Variants in KLF13 observed in about 807,000 individuals in gnomAD.
The protein encoded by KLF13 is Krueppel-like factor 13.
Under a neutral mutation model 16.7 loss-of-function variants are expected in KLF13, and 8 were observed. The observed-to-expected ratio is 0.48, with a 90% CI of 0.28 to 0.87. The LOEUF is 0.87. Among genes scored for constraint, KLF13 ranks in the 40% least tolerant of loss-of-function variants. KLF13 has a pLI of 0.10. For synonymous variants in KLF13, 245 were observed against 208.4 expected, an observed-to-expected ratio of 1.18 and a Z score of -1.51; for missense variants, 447 against 452.2, an observed-to-expected ratio of 0.99 and a Z score of 0.10.
intron 1 of KLF13, among the ~76,000 whole-genome samples, chr15:31,348,391 C>G (rs1206263730): frequency 1.3e-5 from 2 of 152,204 alleles, no homozygotes; most frequent in African/African-American, 4.8e-5. Context: ...CACGCCGCAC[C>G]ACATGCTTTT....
intron 1 of KLF13, among the ~76,000 whole-genome samples, chr15:31,362,668 T>C (rs1375984042): frequency 6.6e-6 from 1 of 152,226 alleles, no homozygotes; most frequent in African/African-American, 2.4e-5. Context: ...ATCTAAAAGA[T>C]TTAAGTAGTT....
At chr15:31,387,276 AT>A (rs2039805618) in intron 1 of KLF13, among the ~76,000 whole-genome samples, 1 of 152,192 alleles carries the variant, frequency 6.6e-6, no homozygotes, top group Non-Finnish European at 1.5e-5. Context: ...ATTTGAAGAA[AT>A]TGCCACAGCC....
At chr15:31,349,198 CCTTAA>C (rs2039177065) in intron 1 of KLF13, among the ~76,000 whole-genome samples, 1 of 152,138 alleles carries the variant, frequency 6.6e-6, no homozygotes, top group Non-Finnish European at 1.5e-5. Context: ...CTTTTTTGCC[CCTTAA>C]CTTTGTAGGG....
downstream of KLF13, among the ~76,000 whole-genome samples, chr15:31,406,854 C>T (rs769452081): frequency 1.6e-4 from 25 of 152,178 alleles, no homozygotes; most frequent in Non-Finnish European, 3.1e-4. Flanking sequence ...GCACCACCAT[C>T]TCCTCTGCTT....
rs1264415582 is a variant in KLF13, at chr15:31,373,165, C to G, written c.*866C>G. The G allele has an allele frequency of 6.6e-6, 1 of 152,266 alleles. No individual in the cohort carries two copies. The highest frequency in any genetic ancestry group is 2.4e-5 in the African/African-American group (1 of 41,466). 9.4% of individuals were successfully genotyped at this position (152,266 alleles called of 1,614,324 possible). A position where few individuals can be genotyped will look rare whatever the true frequency, so the allele number is the denominator to read the frequency against. ...CCCTGTCACTACTATACCTGGGCCT[C>G]TGATGGGGAATTCTGGTCTTCTAAA... On this transcript the variant is annotated 3_prime_UTR_variant, in exon 2 of 2. Coordinates refer to ENST00000307145, the MANE Select transcript of KLF13 (RefSeq NM_015995.4).
At chr15:31,364,867 C>T (rs1055858056) in intron 1 of KLF13, among the ~76,000 whole-genome samples, 11 of 152,204 alleles carry the variant, frequency 7.2e-5, no homozygotes, top group Non-Finnish European at 8.8e-5. Context: ...TTTCTAGAGA[C>T]GAGCAGGACA....
In KLF13 at chr15:31,327,310, C is replaced by G. The variant is rs983603110; in HGVS notation, c.98C>G (p.Ser33Cys). Residue 33 changes from serine to cysteine, a missense_variant, in exon 1 of 2, where the codon TCC becomes TGC. Ser to Cys is a moderately radical substitution (Grantham distance 112, BLOSUM62 -1). Coordinates refer to ENST00000307145, the MANE Select transcript of KLF13 (RefSeq NM_015995.4). ...VVHGPREGPE[S>C]RPEGAAVAAT... ...CACGGGCCGCGGGAGGGGCCGGAGT[C>G]CCGGCCCGAGGGCGCGGCCGTGGCC... 23 of 1,291,410 alleles carry G rather than the reference C, an allele frequency of 1.8e-5. No individual in the cohort carries two copies. Among genetic ancestry groups the G allele is most frequent in the Non-Finnish European group, 2.0e-5 (20 of 1,023,780 alleles). The allele number at this position is 1,291,410 out of a possible 1,614,324, so 80.0% of individuals were successfully genotyped here.
At chr15:31,345,573 T>A (rs2039101263) in intron 1 of KLF13, among the ~76,000 whole-genome samples, 2 of 152,124 alleles carry the variant, frequency 1.3e-5, no homozygotes, top group Admixed American at 1.3e-4. Flanking sequence ...AGGAAATCTG[T>A]GAGTATGAGG....
At chr15:31,431,142 T>G (rs1414467770) in intron 1 of KLF13, among the ~76,000 whole-genome samples, 1 of 152,180 alleles carries the variant, frequency 6.6e-6, no homozygotes, top group African/African-American at 2.4e-5. Context: ...TGCTGCCTCT[T>G]TCTCTCACTC....
intron 2 of KLF13, among the ~76,000 whole-genome samples, chr15:31,398,045 G>C (rs1458079360): frequency 6.6e-6 from 1 of 152,170 alleles, no homozygotes; most frequent in Non-Finnish European, 1.5e-5. Context: ...CCAGTAATTA[G>C]CCTAATAAGG....
Position 31,372,398 on chromosome 15 carries a change from A to G in KLF13, c.*99A>G. 1 of 1,268,554 alleles carries G rather than the reference A, an allele frequency of 7.9e-7. No individual in the cohort carries two copies. 78.6% of individuals were successfully genotyped at this position (1,268,554 alleles called of 1,614,324 possible). On this transcript the variant is annotated 3_prime_UTR_variant, in exon 2 of 2. Transcript: ENST00000307145. ...AGAGAGAGAACTTGATGCAAAGTCC[A>G]CGAAAAAACAATTTTTTTCACCTCA...
chr15:31,431,696 C>A (rs555912818), intron 1 of KLF13, among the ~76,000 whole-genome samples: 33 of 152,300 alleles, frequency 2.2e-4, no homozygotes, highest in Admixed American at 3.9e-4. Flanking sequence ...TATCTCCTGA[C>A]CTTGTGATCC....
At position 31,372,315 on chromosome 15, in the gene KLF13, G is replaced by C; in HGVS notation, c.*16G>C. ...CTCGCCCTGAGCCCGCCACAGCCAT[G>C]AGCAGCCGCTCCCACCCCCTCGTGA... On this transcript the variant is annotated 3_prime_UTR_variant, in exon 2 of 2. Coordinates refer to ENST00000307145, the MANE Select transcript of KLF13 (RefSeq NM_015995.4). The C allele has an allele frequency of 6.9e-7, 1 of 1,453,934 alleles. No individual in the cohort carries two copies. Among genetic ancestry groups the C allele is most frequent in the Non-Finnish European group, 9.0e-7 (1 of 1,107,414 alleles). 90.1% of individuals were successfully genotyped at this position (1,453,934 alleles called of 1,614,324 possible).
chr15:31,378,064 T>TG (rs1387888379), downstream of KLF13, among the ~76,000 whole-genome samples: 1 of 152,124 alleles, frequency 6.6e-6, no homozygotes. Flanking sequence ...GAAGAGCTCT[T>TG]GCACACAGTG....
intron 1 of KLF13, among the ~76,000 whole-genome samples, chr15:31,345,676 C>T (rs2039103386): frequency 6.6e-6 from 1 of 152,332 alleles, no homozygotes; most frequent in South Asian, 2.1e-4. Context: ...TTCCAGTGGC[C>T]CTACATGGGC....
In KLF13 at chr15:31,327,693, G is replaced by C; in HGVS notation, c.481G>C (p.Glu161Gln). ...GCGGGGCCGAAGTCGCGCCGACCTC[G>C]AGTCCCCGCAGAGGAAGCACAAGTG... ...VRRGRSRADL[E>Q]SPQRKHKCHY... Residue 161 changes from glutamate to glutamine, a missense_variant, in exon 1 of 2, where the codon GAG becomes CAG. Glu to Gln is a conservative substitution (Grantham distance 29). Coordinates refer to ENST00000307145, the MANE Select transcript of KLF13 (RefSeq NM_015995.4). The C allele has an allele frequency of 6.5e-7, 1 of 1,533,866 alleles. No individual in the cohort carries two copies.
chr15:31,353,491 G>C (rs1037175171), intron 1 of KLF13, among the ~76,000 whole-genome samples: 2 of 152,210 alleles, frequency 1.3e-5, no homozygotes, highest in African/African-American at 4.8e-5. Context: ...GTCCCACCAG[G>C]GCTTGGGCTG....
chr15:31,412,877 A>G (rs377416785), intron 1 of KLF13, among the ~76,000 whole-genome samples: 54 of 152,344 alleles, frequency 3.5e-4, no homozygotes, highest in African/African-American at 1.2e-3. Context: ...TTATGAAGAG[A>G]AAGCCTAAAC....
intron 1 of KLF13, among the ~76,000 whole-genome samples, chr15:31,410,293 T>C (rs2040176347): frequency 6.6e-6 from 1 of 151,628 alleles, no homozygotes; most frequent in East Asian, 1.9e-4. Flanking sequence ...ATAAAAAGTC[T>C]TCAGCAACCC....
Sources: allele counts gnomAD v4.1 joint callset (sites outside exome capture counted in the v4.1 genomes callset), GRCh38; gene constraint gnomAD v4.1.1; transcripts MANE v1.5; gene names NCBI Gene and HGNC (gene_info 2026-07-23, HGNC 2026-07-21).